TMCO5A: variants seen among roughly 807,000 people sequenced by gnomAD.
TMCO5A encodes transmembrane and coiled-coil domains 5A.
A neutral mutation model predicts 42.3 loss-of-function variants in TMCO5A; 34 were observed. The observed-to-expected ratio is 0.80, with a 90% CI of 0.61 to 1.07. The LOEUF (loss-of-function observed/expected upper bound fraction) is 1.07. TMCO5A is among the 50% of genes least tolerant of loss of function. The pLI is 0.00. For synonymous variants in TMCO5A, 131 were observed against 115.6 expected, an observed-to-expected ratio of 1.13 and a Z score of -0.86; for missense variants, 357 against 327.9, an observed-to-expected ratio of 1.09 and a Z score of -0.69.
At chr15:38,010,500 G>A in the TMCO5A span, among the ~76,000 whole-genome samples, 1 of 146,628 alleles carries the variant, frequency 6.8e-6, no homozygotes, top group East Asian at 2.0e-4. Context: ...AGATTTAAAA[G>A]TGCCATCCAC....
intron 10 of TMCO5A, among the ~76,000 whole-genome samples, chr15:37,945,665 A>T (rs577191942): frequency 5.3e-5 from 8 of 152,086 alleles, no homozygotes; most frequent in African/African-American, 1.9e-4. Context: ...GGCTGTATGT[A>T]TGTCTTCTTT....
the TMCO5A span, among the ~76,000 whole-genome samples, chr15:38,036,235 C>T: frequency 9.9e-5 from 15 of 152,204 alleles, no homozygotes; most frequent in Admixed American, 2.0e-4. Flanking sequence ...GAGCTGTCTC[C>T]TGCAGGCAGC....
downstream of TMCO5A, among the ~76,000 whole-genome samples, chr15:37,971,254 G>A (rs1312130582): frequency 3.3e-5 from 5 of 152,176 alleles, no homozygotes; most frequent in East Asian, 9.6e-4. Flanking sequence ...TGTGGAAGCT[G>A]CCAAGGCTTG....
chr15:38,008,146 T>C, the TMCO5A span, among the ~76,000 whole-genome samples: 4,278 of 151,906 alleles, frequency 0.028, 154 homozygotes, highest in African/African-American at 0.084. Flanking sequence ...CTGCCCACCT[T>C]GGCCTCCCAA....
chr15:37,949,766 A>G (rs975795014), intron 11 of TMCO5A, among the ~76,000 whole-genome samples: 34 of 152,144 alleles, frequency 2.2e-4, no homozygotes, highest in African/African-American at 7.7e-4. Flanking sequence ...TACATAATAA[A>G]TTACCCCCAA....
the TMCO5A span, among the ~76,000 whole-genome samples, chr15:37,997,858 T>C: frequency 6.6e-6 from 1 of 152,216 alleles, no homozygotes; most frequent in South Asian, 2.1e-4. Context: ...TTTCTCCATA[T>C]AATCGCCAGC....
At chr15:37,952,969 G>C (rs1890196619), downstream of TMCO5A, among the ~76,000 whole-genome samples, 1 of 152,298 alleles carries the variant, frequency 6.6e-6, no homozygotes, top group East Asian at 1.9e-4. Context: ...ATGGTGGGAG[G>C]CATCTCTGCT....
At chr15:37,957,940 A>G (rs1890331641) in intron 11 of TMCO5A, among the ~76,000 whole-genome samples, 1 of 152,160 alleles carries the variant, frequency 6.6e-6, no homozygotes, top group Non-Finnish European at 1.5e-5. Flanking sequence ...AATGCCACAC[A>G]TCTACAACAA....
At chr15:38,022,156 C>A in the TMCO5A span, among the ~76,000 whole-genome samples, 1 of 152,074 alleles carries the variant, frequency 6.6e-6, no homozygotes, top group African/African-American at 2.4e-5. Flanking sequence ...ATTCAGCAGT[C>A]GTATTTCTTA....
At chr15:38,030,944 T>C in the TMCO5A span, among the ~76,000 whole-genome samples, 1 of 152,168 alleles carries the variant, frequency 6.6e-6, no homozygotes, top group South Asian at 2.1e-4. Context: ...TGAGGTATAA[T>C]TGCCCACTTA....
the TMCO5A span, among the ~76,000 whole-genome samples, chr15:37,990,495 T>C: frequency 2.6e-5 from 4 of 152,218 alleles, no homozygotes; most frequent in Admixed American, 2.0e-4. Flanking sequence ...AACCTATTCA[T>C]ATCTCTGGAT....
chr15:37,979,054 C>T, the TMCO5A span, among the ~76,000 whole-genome samples: 1 of 151,808 alleles, frequency 6.6e-6, no homozygotes, highest in Non-Finnish European at 1.5e-5. Context: ...CCAGGCCCCA[C>T]CTCCCCATGA....
At chr15:37,965,183 A>G (rs116273572) in intron 11 of TMCO5A, among the ~76,000 whole-genome samples, 2,143 of 152,286 alleles carry the variant, frequency 0.014, 59 homozygotes, top group African/African-American at 0.049. Context: ...TCTTCAATAA[A>G]CGGTGCTGAG....
the TMCO5A span, among the ~76,000 whole-genome samples, chr15:38,031,891 C>A: frequency 6.6e-6 from 1 of 152,132 alleles, no homozygotes. Flanking sequence ...CAGAACTATG[C>A]CAGGCCCCCT....
At chr15:38,014,925 A>G in the TMCO5A span, among the ~76,000 whole-genome samples, 1 of 131,730 alleles carries the variant, frequency 7.6e-6, no homozygotes, top group Non-Finnish European at 1.6e-5. Context: ...AACTTACACA[A>G]TCATAAGGTC....
downstream of TMCO5A, among the ~76,000 whole-genome samples, chr15:37,954,554 G>A (rs1359301831): frequency 6.6e-6 from 1 of 152,080 alleles, no homozygotes; most frequent in Non-Finnish European, 1.5e-5. Flanking sequence ...AAATGCTAAA[G>A]GGAGTACATT....
the TMCO5A span, among the ~76,000 whole-genome samples, chr15:37,990,237 A>G: frequency 6.6e-6 from 1 of 152,110 alleles, no homozygotes; most frequent in East Asian, 1.9e-4. Context: ...AAAGTCTTCA[A>G]CAATTATTGT....
At chr15:37,996,017 GACGTTA>G in the TMCO5A span, among the ~76,000 whole-genome samples, 15 of 152,168 alleles carry the variant, frequency 9.9e-5, no homozygotes, top group Non-Finnish European at 8.8e-5. Context: ...TACCTAGGGG[GACGTTA>G]ATTCTGCAAA....
At chr15:37,992,730 G>A in the TMCO5A span, among the ~76,000 whole-genome samples, 14 of 152,142 alleles carry the variant, frequency 9.2e-5, no homozygotes, top group Admixed American at 2.0e-4. Flanking sequence ...ATCGTCCTTA[G>A]CAAATTAACG....
Sources: gnomAD v4.1 joint callset for allele counts (sites outside exome capture counted in the v4.1 genomes callset) on GRCh38, gnomAD v4.1.1 for gene constraint, MANE v1.5 for transcripts, NCBI Gene and HGNC (gene_info 2026-07-23, HGNC 2026-07-21) for gene names.